The following RBMS3 variants were observed in gnomAD, a reference collection of about 807,000 sequenced individuals.
RBMS3 encodes the protein RNA-binding motif, single-stranded-interacting protein 3.
Under a neutral mutation model 66.8 loss-of-function variants are expected in RBMS3, and 27 were observed. That is an observed-to-expected ratio of 0.40 (90% confidence interval 0.30 to 0.56). The LOEUF is 0.56. RBMS3 is among the 20% of genes least tolerant of loss of function. RBMS3 has a pLI of 0.40. For missense variants in RBMS3, 513 were observed against 549.5 expected (o/e 0.93, Z 0.66); for synonymous variants, 188 against 183.0 (o/e 1.03, Z -0.22).
At chr3:29,402,775 A>C (rs1471853497) in intron 1 of RBMS3, among the ~76,000 whole-genome samples, 1 of 152,022 alleles carries the variant, frequency 6.6e-6, no homozygotes, top group Admixed American at 6.6e-5. Flanking sequence ...TGTTCTGTAC[A>C]ATGTTTGCAT....
chr3:29,587,332 C>A, intron 4 of RBMS3, 127 bp downstream of exon 4: 1 of 560,166 alleles, frequency 1.8e-6, no homozygotes, highest in Non-Finnish European at 2.7e-6. Context: ...AAATATTTCT[C>A]CTTTGCTCTG....
chr3:29,448,443 T>A (rs2041908681), intron 2 of RBMS3, among the ~76,000 whole-genome samples: 1 of 152,232 alleles, frequency 6.6e-6, no homozygotes, highest in South Asian at 2.1e-4. Flanking sequence ...TAAACAGTTC[T>A]TTGTTCTCTG....
intron 12 of RBMS3, among the ~76,000 whole-genome samples, chr3:29,984,759 T>C (rs1215350212): frequency 6.6e-6 from 1 of 152,138 alleles, no homozygotes; most frequent in African/African-American, 2.4e-5. Flanking sequence ...ACAGCAAATA[T>C]TGCTGCCTGT....
At chr3:29,441,234 G>A (rs1575822525) in intron 2 of RBMS3, among the ~76,000 whole-genome samples, 1 of 152,124 alleles carries the variant, frequency 6.6e-6, no homozygotes, top group East Asian at 1.9e-4. Flanking sequence ...GGAATTCCTT[G>A]ATTCAGCAGA....
chr3:29,854,998 G>A (rs942910111), intron 6 of RBMS3, among the ~76,000 whole-genome samples: 9 of 152,128 alleles, frequency 5.9e-5, no homozygotes, highest in African/African-American at 2.2e-4. Context: ...ATTTTTGCAT[G>A]TGCCTCAATA....
At chr3:29,348,022 C>T (rs1245193335) in intron 1 of RBMS3, among the ~76,000 whole-genome samples, 2 of 152,080 alleles carry the variant, frequency 1.3e-5, no homozygotes, top group African/African-American at 2.4e-5. Flanking sequence ...AGTGTAGGGT[C>T]TCTTTATCAA....
intron 1 of RBMS3, among the ~76,000 whole-genome samples, chr3:29,313,918 G>A (rs370919797): frequency 3.4e-4 from 52 of 151,836 alleles, no homozygotes; most frequent in African/African-American, 1.2e-3. Flanking sequence ...GATGAGTGGA[G>A]AGTAGTCAGC....
chr3:29,525,527 A>T (rs1242090734), intron 3 of RBMS3, among the ~76,000 whole-genome samples: 1 of 152,240 alleles, frequency 6.6e-6, no homozygotes, highest in Admixed American at 6.5e-5. Flanking sequence ...GCAGCTTATT[A>T]AAAGTAGCAT....
At chr3:29,697,469 C>G (rs1576549146) in intron 4 of RBMS3, among the ~76,000 whole-genome samples, 1 of 152,168 alleles carries the variant, frequency 6.6e-6, no homozygotes, top group African/African-American at 2.4e-5. Context: ...TCTGAGCTAC[C>G]TTGTTTACCA....
At chr3:29,451,674 C>T (rs906310889) in intron 2 of RBMS3, among the ~76,000 whole-genome samples, 1 of 152,098 alleles carries the variant, frequency 6.6e-6, no homozygotes, top group Non-Finnish European at 1.5e-5. Context: ...AGGAAGGATG[C>T]TGTCACTTTT....
At chr3:29,845,111 T>C (rs1050890008) in intron 6 of RBMS3, among the ~76,000 whole-genome samples, 3 of 152,194 alleles carry the variant, frequency 2.0e-5, no homozygotes, top group African/African-American at 7.2e-5. Context: ...CTCATGTTTA[T>C]AAGGAAAGAC....
intron 3 of RBMS3, among the ~76,000 whole-genome samples, chr3:29,499,497 C>G (rs2043884378): frequency 6.6e-6 from 1 of 152,144 alleles, no homozygotes; most frequent in Non-Finnish European, 1.5e-5. Flanking sequence ...GCCTGCTTAT[C>G]TATAAAATAT....
At chr3:29,897,276 T>A in intron 8 of RBMS3, 103 bp from the exon 9 acceptor site, 2 of 988,812 alleles carry the variant, frequency 2.0e-6, no homozygotes, top group Non-Finnish European at 3.2e-6. Flanking sequence ...TGGAAAAACG[T>A]GCGGGTGGAA....
At chr3:29,763,170 T>C (rs2055771622) in intron 6 of RBMS3, among the ~76,000 whole-genome samples, 181 bp downstream of exon 6, 1 of 152,122 alleles carries the variant, frequency 6.6e-6, no homozygotes, top group South Asian at 2.1e-4. Flanking sequence ...TTGGTAATTC[T>C]TCTTTTGCTT....
intron 4 of RBMS3, among the ~76,000 whole-genome samples, chr3:29,678,101 C>T (rs115423880): frequency 6.6e-6 from 1 of 152,216 alleles, no homozygotes; most frequent in Non-Finnish European, 1.5e-5. Context: ...AACTAGGAAC[C>T]AGTCCTTCCA....
At chr3:29,770,272 C>A (rs1294558386) in intron 6 of RBMS3, among the ~76,000 whole-genome samples, 2 of 151,946 alleles carry the variant, frequency 1.3e-5, no homozygotes, top group Admixed American at 1.3e-4. Flanking sequence ...AATTTCCAGT[C>A]TCTATTATAT....
intron 6 of RBMS3, among the ~76,000 whole-genome samples, chr3:29,859,701 G>C (rs1453996101): frequency 6.6e-6 from 1 of 152,176 alleles, no homozygotes; most frequent in Non-Finnish European, 1.5e-5. Flanking sequence ...AGGATGCTAA[G>C]AGTCAAAAGA....
chr3:29,947,135 C>A (rs185716999), intron 12 of RBMS3, among the ~76,000 whole-genome samples: 24 of 151,548 alleles, frequency 1.6e-4, no homozygotes, highest in Middle Eastern at 3.4e-3. Flanking sequence ...TTACTAACTA[C>A]AATGTAGTTA....
At chr3:29,325,390 T>TAA in intron 1 of RBMS3, among the ~76,000 whole-genome samples, 1 of 152,198 alleles carries the variant, frequency 6.6e-6, no homozygotes, top group East Asian at 1.9e-4. Flanking sequence ...TTGTATTTAT[T>TAA]AACTTTCAAA....
Sources: allele counts gnomAD v4.1 joint callset (sites outside exome capture counted in the v4.1 genomes callset), GRCh38; gene constraint gnomAD v4.1.1; transcripts MANE v1.5; gene names NCBI Gene and HGNC (gene_info 2026-07-23, HGNC 2026-07-21).